The following CRHBP variants were observed in gnomAD, a reference collection of about 807,000 sequenced individuals.
CRHBP encodes the protein corticotropin releasing hormone binding protein, also known as corticotropin-releasing hormone-binding protein.
CRHBP carries 19 observed loss-of-function variants against 34.9 expected under a neutral mutation model. That is an observed-to-expected ratio of 0.55 (90% CI 0.38 to 0.80). CRHBP has a LOEUF of 0.80. Ranked by LOEUF, CRHBP falls within the 30% of genes least tolerant of loss-of-function variation. The pLI is 0.00. For synonymous variants in CRHBP, 154 were observed against 153.4 expected (o/e 1.00, Z -0.03); for missense variants, 328 against 409.2 (o/e 0.80, Z 1.71).
chr5:76,978,322 C>T (rs1746071388), intron 3 of CRHBP, among the ~76,000 whole-genome samples: 1 of 152,182 alleles, frequency 6.6e-6, no homozygotes, highest in Non-Finnish European at 1.5e-5. Context: ...GGTTTCAAAG[C>T]TTCAAAGGAC....
Position 76,953,659 on chromosome 5 carries a change from A to G in CRHBP, c.140A>G (p.Glu47Gly). The G allele has an allele frequency of 6.2e-7, 1 of 1,610,888 alleles. No homozygotes were observed. Among genetic ancestry groups the G allele is most frequent in the Non-Finnish European group, 8.5e-7 (1 of 1,178,958 alleles). The change falls in exon 2 of 7, where the codon GAG (glutamate) becomes GGG (glycine). Residue 47 changes from glutamate (E) to glycine (G), a missense_variant. This residue lies in a region of CRHBP where 173 missense variants were observed against 172.2 expected (regional missense o/e 1.00). Transcript: ENST00000274368. Reference sequence around the variant, plus strand: ...CTCTTCAGCGCCAACCTGAAGCGGGAGCTGGCTGGGGAGCAGCCGTACCGC... The same window carrying G: ...CTCTTCAGCGCCAACCTGAAGCGGGGGCTGGCTGGGGAGCAGCCGTACCGC... ...FLLFSANLKR[E>G]LAGEQPYRRA...
downstream of CRHBP, among the ~76,000 whole-genome samples, chr5:76,970,434 G>T (rs1745928368): frequency 6.6e-6 from 1 of 152,050 alleles, no homozygotes; most frequent in Non-Finnish European, 1.5e-5. Context: ...CAACTAATTG[G>T]AAGTGTTTCA....
At chr5:76,968,419 C>G (rs1403634726) in intron 6 of CRHBP, among the ~76,000 whole-genome samples, 1 of 152,146 alleles carries the variant, frequency 6.6e-6, no homozygotes, top group Non-Finnish European at 1.5e-5. Flanking sequence ...GCCTTTACTA[C>G]TTAGGCTTTG....
chr5:76,957,783 A>C (rs1221641501), intron 4 of CRHBP, among the ~76,000 whole-genome samples: 1 of 152,198 alleles, frequency 6.6e-6, no homozygotes, highest in African/African-American at 2.4e-5. Context: ...TTAACTTATC[A>C]CTTAACATGC....
intron 6 of CRHBP, among the ~76,000 whole-genome samples, chr5:76,967,186 G>A (rs1046783376): frequency 4.6e-5 from 7 of 152,050 alleles, no homozygotes; most frequent in African/African-American, 1.7e-4. Context: ...AGGTTGCAGC[G>A]AGCCAAGATG....
chr5:76,980,773 C>T (rs1326281685), intron 3 of CRHBP, among the ~76,000 whole-genome samples: 1 of 152,188 alleles, frequency 6.6e-6, no homozygotes, highest in Non-Finnish European at 1.5e-5. Flanking sequence ...AGGAGAACAT[C>T]TGATTGGTTC....
intron 6 of CRHBP, among the ~76,000 whole-genome samples, chr5:76,967,045 C>T (rs980410197): frequency 8.5e-5 from 13 of 152,088 alleles, no homozygotes; most frequent in Admixed American, 7.9e-4. Context: ...GAGTTTGAGA[C>T]GAGCCTGGCT....
At chr5:76,954,223 C>A in intron 3 of CRHBP, 37 bp downstream of exon 3, 1 of 1,600,968 alleles carries the variant, frequency 6.2e-7, no homozygotes, top group Non-Finnish European at 8.5e-7. Flanking sequence ...AGCCGGAGGG[C>A]GGCACGGGAG....
At chr5:76,963,790 C>T (rs539467280) in intron 6 of CRHBP, among the ~76,000 whole-genome samples, 1 of 152,026 alleles carries the variant, frequency 6.6e-6, no homozygotes, top group South Asian at 2.1e-4. Context: ...AACTGAAACA[C>T]TTATGGTTCA....
chr5:76,980,232 G>A (rs1478404246), intron 3 of CRHBP, among the ~76,000 whole-genome samples: 1 of 138,134 alleles, frequency 7.2e-6, no homozygotes, highest in Admixed American at 7.6e-5. Flanking sequence ...TCCAGCCTGG[G>A]CGACAGAGCG....
intron 2 of CRHBP, among the ~76,000 whole-genome samples, 159 bp downstream of exon 2, chr5:76,953,853 A>T (rs1007460061): frequency 6.6e-6 from 1 of 152,086 alleles, no homozygotes; most frequent in Non-Finnish European, 1.5e-5. Context: ...GAGGCGCGCC[A>T]GGAGCGGGAG....
intron 4 of CRHBP, 58 bp from the exon 5 acceptor site, chr5:76,958,683 A>T: frequency 6.4e-7 from 1 of 1,556,844 alleles, no homozygotes; most frequent in Non-Finnish European, 8.7e-7. Context: ...ATAAATGTCT[A>T]TAAAAACCTA....
intron 4 of CRHBP, among the ~76,000 whole-genome samples, chr5:76,957,819 T>C (rs1745709551): frequency 6.6e-6 from 1 of 152,236 alleles, no homozygotes; most frequent in African/African-American, 2.4e-5. Context: ...GACTTAATAC[T>C]GCTGTCTTTC....
intron 3 of CRHBP, among the ~76,000 whole-genome samples, chr5:76,978,719 T>A (rs1297380337): frequency 2.0e-5 from 3 of 152,214 alleles, no homozygotes; most frequent in Admixed American, 6.5e-5. Flanking sequence ...TTCTTTTGAA[T>A]GAGCAAAGAA....
At chr5:76,966,269 C>T (rs1023743388) in intron 6 of CRHBP, among the ~76,000 whole-genome samples, 3 of 152,158 alleles carry the variant, frequency 2.0e-5, no homozygotes, top group African/African-American at 4.8e-5. Flanking sequence ...CTGCCCACCT[C>T]GGCCTCCCAA....
Position 76,953,227 on chromosome 5 carries a change from C to A in CRHBP, c.81+12C>A. On this transcript the variant is annotated intron_variant, in intron 1 of 6. Transcript: ENST00000274368. Reference sequence around the variant, plus strand: ...GCCGGTACCTAGAGGTGAGCCACCCCTGGACTGACCCATCTCACCTTCCTT... The same window carrying A: ...GCCGGTACCTAGAGGTGAGCCACCCATGGACTGACCCATCTCACCTTCCTT... 6.2e-7 allele frequency: 1 copy of A among 1,612,398 alleles called. No individual in the cohort carries two copies. The highest frequency in any genetic ancestry group is 8.5e-7 in the Non-Finnish European group (1 of 1,178,466).
At chr5:76,980,705 G>T (rs1746106955) in intron 3 of CRHBP, among the ~76,000 whole-genome samples, 1 of 152,106 alleles carries the variant, frequency 6.6e-6, no homozygotes, top group Admixed American at 6.6e-5. Context: ...AAGTTGGGTG[G>T]GCCTCAACCA....
chr5:76,957,119 C>A (rs1008013013), intron 4 of CRHBP, among the ~76,000 whole-genome samples: 1 of 152,046 alleles, frequency 6.6e-6, no homozygotes, highest in Non-Finnish European at 1.5e-5. Flanking sequence ...GGAGGAGGAT[C>A]ACTTGAGCCC....
At chr5:76,970,554 C>T (rs964735), downstream of CRHBP, among the ~76,000 whole-genome samples, 34,341 of 151,890 alleles carry the variant, frequency 0.23, 4,078 homozygotes, top group East Asian at 0.38. Context: ...GGATGGATGA[C>T]GGATGACTAT....
Sources: gnomAD v4.1 joint callset for allele counts (sites outside exome capture counted in the v4.1 genomes callset) on GRCh38, gnomAD v4.1.1 for gene constraint, gnomAD v4.1.1 regional missense constraint, MANE v1.5 for transcripts, NCBI Gene and HGNC (gene_info 2026-07-23, HGNC 2026-07-21) for gene names.